The following CUEDC1 variants were observed in gnomAD, a reference collection of about 807,000 sequenced individuals.
The protein encoded by CUEDC1 is CUE domain containing 1.
In CUEDC1, 30 loss-of-function variants were observed where a neutral mutation model predicts 43.7. The ratio of observed to expected loss-of-function variants is 0.69; its 90% CI spans 0.51 to 0.93. The LOEUF is 0.93. Among genes scored for constraint, CUEDC1 ranks in the 40% least tolerant of loss-of-function variants. CUEDC1 has a pLI of 0.00. For synonymous variants in CUEDC1, 223 were observed against 223.6 expected (o/e 1.00, Z 0.02); for missense variants, 486 against 549.0 (o/e 0.89, Z 1.15).
Position 57,865,701 on chromosome 17 carries a change from C to T in CUEDC1, c.*3+773G>A, listed in dbSNP as rs575421505. The stretch of plus-strand genomic sequence containing the variant: ...GCCCTGGGGCTTCAGCCAGAAACCG[C>T]TGCCTCAGGAGGGTTTCCTCATCCT... On this transcript the variant is annotated intron_variant, in intron 10 of 10. Transcript: ENST00000577830. Among the ~76,000 whole-genome samples the T allele has an allele frequency of 9.8e-4, 150 of 152,330 alleles. 1 individual carries two copies. Among genetic ancestry groups the T allele is most frequent in the Non-Finnish European group, 2.0e-3 (136 of 68,034 alleles).
At chr17:57,880,010 T>C (rs972084815) in intron 2 of CUEDC1, among the ~76,000 whole-genome samples, 2 of 152,120 alleles carry the variant, frequency 1.3e-5, no homozygotes, top group African/African-American at 2.4e-5. Context: ...TCTCCCTCCA[T>C]GTGCAGTTCA....
chr17:57,902,556 G>T (rs1597997019), intron 1 of CUEDC1, among the ~76,000 whole-genome samples: 1 of 152,362 alleles, frequency 6.6e-6, no homozygotes, highest in East Asian at 1.9e-4. Context: ...AACAGGAAAG[G>T]CAAGGATGAA....
intron 1 of CUEDC1, among the ~76,000 whole-genome samples, chr17:57,950,469 A>AT (rs1236161341): frequency 1.4e-5 from 2 of 142,984 alleles, no homozygotes; most frequent in African/African-American, 5.2e-5. Flanking sequence ...TTATTTTTTT[A>AT]TTTATTTATT....
intron 1 of CUEDC1, among the ~76,000 whole-genome samples, chr17:57,891,188 C>G (rs2074351356): frequency 6.6e-6 from 1 of 152,192 alleles, no homozygotes; most frequent in Admixed American, 6.5e-5. Context: ...TTGCTGCCTC[C>G]ACTTGGACAT....
At chr17:57,866,124 G>A (rs780438808) in intron 10 of CUEDC1, among the ~76,000 whole-genome samples, 4 of 152,134 alleles carry the variant, frequency 2.6e-5, no homozygotes, top group Admixed American at 6.5e-5. Flanking sequence ...TGCCCAGCCA[G>A]TTTTTCTTAA....
At chr17:57,871,122 G>A (rs2074028416) in intron 6 of CUEDC1, among the ~76,000 whole-genome samples, 164 bp downstream of exon 6, 1 of 152,234 alleles carries the variant, frequency 6.6e-6, no homozygotes, top group Non-Finnish European at 1.5e-5. Flanking sequence ...GACTGGATAT[G>A]GAGATGGGGG....
chr17:57,888,002 G>A (rs1306244730), intron 1 of CUEDC1, among the ~76,000 whole-genome samples: 2 of 143,890 alleles, frequency 1.4e-5, no homozygotes, highest in Non-Finnish European at 3.0e-5. Flanking sequence ...CCAGGTTCAA[G>A]CAAGTCTCCC....
intron 1 of CUEDC1, among the ~76,000 whole-genome samples, chr17:57,887,229 C>T (rs1300945936): frequency 1.3e-5 from 2 of 152,088 alleles, no homozygotes; most frequent in Non-Finnish European, 2.9e-5. Context: ...ATAGGTGGAA[C>T]TGAAAATCAA....
At chr17:57,924,439 T>C (rs1384737094) in intron 1 of CUEDC1, among the ~76,000 whole-genome samples, 2 of 151,746 alleles carry the variant, frequency 1.3e-5, no homozygotes, top group Admixed American at 1.3e-4. Context: ...TCAAAACTCT[T>C]AATCTCTGCG....
intron 3 of CUEDC1, among the ~76,000 whole-genome samples, chr17:57,879,022 G>A (rs2074167501): frequency 6.6e-6 from 1 of 152,200 alleles, no homozygotes; most frequent in South Asian, 2.1e-4. Context: ...GAAGTTTCCA[G>A]GGACCTTGCA....
intron 2 of CUEDC1, among the ~76,000 whole-genome samples, chr17:57,882,941 A>C (rs1338292250): frequency 1.2e-4 from 18 of 152,174 alleles, no homozygotes; most frequent in Admixed American, 1.2e-3. Context: ...GGGAAAATCA[A>C]AAGTTATATT....
intron 1 of CUEDC1, among the ~76,000 whole-genome samples, chr17:57,897,831 G>A (rs1348824759): frequency 6.6e-6 from 1 of 152,060 alleles, no homozygotes. Flanking sequence ...TGGCCAACAT[G>A]GTGAAACCCC....
chr17:57,899,358 C>A (rs2074447100), intron 1 of CUEDC1, among the ~76,000 whole-genome samples: 1 of 152,230 alleles, frequency 6.6e-6, no homozygotes, highest in Admixed American at 6.5e-5. Flanking sequence ...CAGAGCCCAG[C>A]TGCCCAGGTC....
At chr17:57,867,852 T>G (rs1335809008) in intron 8 of CUEDC1, among the ~76,000 whole-genome samples, 1 of 152,198 alleles carries the variant, frequency 6.6e-6, no homozygotes, top group African/African-American at 2.4e-5. Flanking sequence ...GAACCACTTT[T>G]TCTCCCAAGA....
intron 1 of CUEDC1, among the ~76,000 whole-genome samples, chr17:57,934,313 ACCCAGG>A (rs1240309398): frequency 6.6e-6 from 1 of 151,832 alleles, no homozygotes; most frequent in Non-Finnish European, 1.5e-5. Flanking sequence ...AATTGCTTGA[ACCCAGG>A]AGTCGGAGGT....
intron 1 of CUEDC1, among the ~76,000 whole-genome samples, chr17:57,940,851 C>A (rs1374404492): frequency 1.3e-5 from 2 of 152,214 alleles, no homozygotes; most frequent in Non-Finnish European, 2.9e-5. Flanking sequence ...ATAAGCCCCA[C>A]TTGGGACTAA....
intron 2 of CUEDC1, among the ~76,000 whole-genome samples, chr17:57,881,979 C>A (rs527704040): frequency 2.0e-5 from 3 of 152,306 alleles, no homozygotes; most frequent in Non-Finnish European, 4.4e-5. Flanking sequence ...CCTCCCACTG[C>A]CACCGCCACA....
Position 57,872,870 on chromosome 17 carries a change from G to A in CUEDC1, c.592-15C>T, listed in dbSNP as rs376217618. ...CCAGCGTTACCCTGAGGAGGGAAGC[G>A]AGCATGTTGAATGTGTACACACAAG... On this transcript the variant is annotated splice_polypyrimidine_tract_variant and intron_variant, in intron 4 of 10. Transcript: ENST00000577830. 8.1e-6 allele frequency: 13 copies of A among 1,606,928 alleles called. No individual in the cohort carries two copies. Among genetic ancestry groups the A allele is most frequent in the East Asian group, 2.2e-5 (1 of 44,800 alleles).
chr17:57,944,358 G>A (rs1032453423), intron 1 of CUEDC1, among the ~76,000 whole-genome samples: 16 of 151,608 alleles, frequency 1.1e-4, no homozygotes, highest in Non-Finnish European at 2.1e-4. Context: ...TTACAGGCAT[G>A]CGCCACCACG....
Sources: gnomAD v4.1 joint callset for allele counts (sites outside exome capture counted in the v4.1 genomes callset) on GRCh38, gnomAD v4.1.1 for gene constraint, MANE v1.5 for transcripts, NCBI Gene and HGNC (gene_info 2026-07-23, HGNC 2026-07-21) for gene names.